Variants in IRX6 observed in about 807,000 individuals in gnomAD.
IRX6 encodes iroquois-class homeodomain protein IRX-6.
IRX6 carries 46 observed loss-of-function variants against 47.7 expected under a neutral mutation model. The observed-to-expected ratio is 0.96, with a 90% confidence interval of 0.76 to 1.23. The LOEUF is 1.23. Among genes scored for constraint, IRX6 ranks in the 50% most tolerant of loss-of-function variants. IRX6 has a pLI of 0.00. For synonymous variants in IRX6, 265 were observed against 246.2 expected, an observed-to-expected ratio of 1.08 and a Z score of -0.72; for missense variants, 722 against 588.0, an observed-to-expected ratio of 1.23 and a Z score of -2.36.
rs1491427085 is a variant in IRX6 at position 55,325,530 on chromosome 16, G to GGAAGGAAAGA, written c.45+396_45+397insAGGAAAGAGA. ...AGGAAGGAAGGAAGGAAGGAAGGAA[G>GGAAGGAAAGA]GAGAGAGAGAGAGAGAGAGAGAGAG... On this transcript the variant is annotated intron_variant, in intron 1 of 5. Transcript: ENST00000290552. Among the ~76,000 whole-genome samples, 7 of 9,084 alleles carry GGAAGGAAAGA rather than the reference G, an allele frequency of 7.7e-4. 1 individual carries two copies. Among genetic ancestry groups the GGAAGGAAAGA allele is most frequent in the East Asian group, 0.04 (2 of 50 alleles). 6.0% of individuals were successfully genotyped at this position (9,084 alleles called of 152,430 possible). A position where few individuals can be genotyped will look rare whatever the true frequency, so the allele number is the denominator to read the frequency against.
Position 55,329,175 on chromosome 16 carries a change from G to T in IRX6, c.1197G>T (p.Ala399=). The T allele has an allele frequency of 6.2e-7, 1 of 1,614,134 alleles. No individual in the cohort carries two copies. Among genetic ancestry groups the T allele is most frequent in the Non-Finnish European group, 8.5e-7 (1 of 1,180,046 alleles). Residue 399 remains alanine (A), a synonymous_variant, in exon 5 of 6, where the codon GCG becomes GCT. Coordinates refer to ENST00000290552, the MANE Select transcript of IRX6 (RefSeq NM_024335.3). Reference sequence around the variant, plus strand: ...GACTCTCAGTCCCCAGAGACTCCGCGTGCGACGAGTCTTCCTGCATACCCA... The same window carrying T: ...GACTCTCAGTCCCCAGAGACTCCGCTTGCGACGAGTCTTCCTGCATACCCA... The part of the protein sequence containing the change: ...ARRLSVPRDS[A]CDESSCIPKA...
intron 5 of IRX6, among the ~76,000 whole-genome samples, 154 bp downstream of exon 5, chr16:55,329,465 C>G (rs1456670311): frequency 9.9e-5 from 15 of 152,182 alleles, no homozygotes. Context: ...CAGACGGAAG[C>G]GTAGAGATAG....
chr16:55,329,468 A>G (rs1960605506), intron 5 of IRX6, among the ~76,000 whole-genome samples, 157 bp downstream of exon 5: 1 of 152,226 alleles, frequency 6.6e-6, no homozygotes, highest in African/African-American at 2.4e-5. Context: ...ACGGAAGCGT[A>G]GAGATAGGTT....
At position 55,326,659 on chromosome 16, in the gene IRX6, A is replaced by G. The variant is rs1490371507; in HGVS notation, c.303+66A>G. 3 of 1,438,476 alleles carry G rather than the reference A, an allele frequency of 2.1e-6. No homozygotes were observed. In the African/African-American group the frequency reaches 4.3e-5, roughly 21 times the overall value. 89.1% of individuals were successfully genotyped at this position (1,438,476 alleles called of 1,614,324 possible). The stretch of plus-strand genomic sequence containing the variant: ...GACAGGTGAAATCCAGAGAAAGTCA[A>G]GGAAAGACCCACACCTCCCGAGGAA... On this transcript the variant is annotated intron_variant, in intron 2 of 5. Transcript: ENST00000290552.
Position 55,327,380 on chromosome 16 carries a change from A to C in IRX6, c.388A>C (p.Thr130Pro), listed in dbSNP as rs1960549977. ...AGGAGCCTATTATCCCTATGAGCGG[A>C]CTCTGGGGCAGTACCAATATGAACG... ...QPGAYYPYER[T>P]LGQYQYERYG... The change falls in exon 3 of 6, where the codon ACT (threonine) becomes CCT (proline). Residue 130 changes from threonine (T) to proline (P), a missense_variant. Thr to Pro is a conservative substitution (Grantham distance 38, BLOSUM62 -1). Transcript: ENST00000290552. The C allele has an allele frequency of 6.2e-7, 1 of 1,613,364 alleles. No homozygotes were observed. Among genetic ancestry groups the C allele is most frequent in the Admixed American group, 1.7e-5 (1 of 59,988 alleles).
chr16:55,325,222 C>T (rs1424169466), intron 1 of IRX6, 86 bp downstream of exon 1: 3 of 1,324,650 alleles, frequency 2.3e-6, no homozygotes, highest in African/African-American at 1.4e-5. Context: ...TCATCCTCCT[C>T]TTGTGTTCTG....
rs368072041 is a variant in IRX6 at position 55,327,673 on chromosome 16, G to A, written c.501G>A (p.Glu167=). 5 of 1,612,258 alleles carry A rather than the reference G, an allele frequency of 3.1e-6. No individual in the cohort carries two copies. The African/African-American group carries it at 5.3e-5, about 17-fold the overall frequency. Residue 167 remains glutamate (E), a synonymous_variant, in exon 4 of 6, where the codon GAG becomes GAA. Transcript: ENST00000290552. ...GTACACTCAAGGCCTGGCTCAACGA[G>A]CACCGCAAAAACCCCTACCCCACTA... ...TTSTLKAWLN[E]HRKNPYPTKG... is the part of the protein sequence containing the mutation.
At chr16:55,328,052 TCTAC>T (rs1328910273) in intron 4 of IRX6, among the ~76,000 whole-genome samples, 159 bp downstream of exon 4, 3 of 152,076 alleles carry the variant, frequency 2.0e-5, no homozygotes, top group Admixed American at 6.5e-5. Flanking sequence ...TGCACTGCCT[TCTAC>T]CTGTAATTCT....
intron 1 of IRX6, among the ~76,000 whole-genome samples, chr16:55,325,477 A>G: frequency 3.0e-5 from 1 of 33,786 alleles, no homozygotes; most frequent in Non-Finnish European, 5.1e-5. Context: ...GAAAGAAAGA[A>G]ATAAGGAAGG....
chr16:55,326,594 G>C lies in IRX6; in HGVS notation c.303+1G>C. 1 of 1,540,088 alleles carries C rather than the reference G, an allele frequency of 6.5e-7. No individual in the cohort carries two copies. The highest frequency in any genetic ancestry group is 8.8e-7 in the Non-Finnish European group (1 of 1,138,556). On this transcript the variant is annotated splice_donor_variant, in intron 2 of 5. Transcript: ENST00000290552. LOFTEE classifies it high-confidence loss of function. Reference sequence around the variant, plus strand: ...GCCCCCCTCACTGTATGGGGCACTGGTGAGTACAGGGGTGGAGTCCCAGGG... The same window carrying C: ...GCCCCCCTCACTGTATGGGGCACTGCTGAGTACAGGGGTGGAGTCCCAGGG...
chr16:55,325,116 C>A lies in IRX6; in HGVS notation c.25C>A (p.Pro9Thr). The stretch of plus-strand genomic sequence containing the variant: ...CATGTCCTTCCCACACTTTGGACAC[C>A]CGTACCGCGGCGCTTCCCAGGTAAG... MSFPHFGH[P>T]YRGASQFLAS... Residue 9 changes from proline to threonine, a missense_variant, in exon 1 of 6, where the codon CCG becomes ACG. Pro to Thr is a conservative substitution (Grantham distance 38, BLOSUM62 -1). Coordinates refer to ENST00000290552, the MANE Select transcript of IRX6 (RefSeq NM_024335.3). 6.2e-7 allele frequency: 1 copy of A among 1,613,996 alleles called. No individual in the cohort carries two copies. Among genetic ancestry groups the A allele is most frequent in the Non-Finnish European group, 8.5e-7 (1 of 1,180,012 alleles).
Position 55,326,367 on chromosome 16 carries a change from G to A in IRX6, c.77G>A (p.Cys26Tyr). Reference sequence around the variant, plus strand: ...GCGTCGGCAAGTTCCAGCACCACATGCTGCGAATCTACCCAACGCTCTGTC... The same window carrying A: ...GCGTCGGCAAGTTCCAGCACCACATACTGCGAATCTACCCAACGCTCTGTC... ...FLASASSSTT[C>Y]CESTQRSVSD... The change falls in exon 2 of 6, where the codon TGC becomes TAC. Residue 26 changes from cysteine to tyrosine, a missense_variant. By Grantham distance (194) the Cys-to-Tyr change is radical. Transcript: ENST00000290552. 6.2e-7 allele frequency: 1 copy of A among 1,613,856 alleles called. No homozygotes were observed. Among genetic ancestry groups the A allele is most frequent in the Non-Finnish European group, 8.5e-7 (1 of 1,179,980 alleles).
At chr16:55,327,967 C>T (rs2142269724) in intron 4 of IRX6, 74 bp downstream of exon 4, 1 of 1,457,626 alleles carries the variant, frequency 6.9e-7, no homozygotes, top group East Asian at 2.3e-5. Context: ...CAAAAGCTGC[C>T]CTGTAGGGTA....
In IRX6 at chr16:55,326,488, C is replaced by T. The variant is rs201160693; in HGVS notation, c.198C>T (p.Ala66=). ...GCAGTGCGCGACCGGAGCTGGGCGC[C>T]GCCTTGGGCATCTATGGAGCACCCT... is the stretch of plus-strand genomic sequence containing the variant. ...LLGSARPELG[A]ALGIYGAPYA... Residue 66 remains alanine, a synonymous_variant, in exon 2 of 6, where the codon GCC becomes GCT. Transcript: ENST00000290552. 14 of 1,612,846 alleles carry T rather than the reference C, an allele frequency of 8.7e-6. No homozygotes were observed. Among genetic ancestry groups the T allele is most frequent in the Admixed American group, 1.7e-5 (1 of 59,914 alleles).
In IRX6 at chr16:55,327,889, C is replaced by T; in HGVS notation, c.717C>T (p.Thr239=). ...EDSLGCLTAD[T]KEVTASQEAR... ...CACTAGGCTGCCTAACTGCTGACACCAAAGGTACTGAAAACGTTCACCACC... is the reference window on the plus strand; with the variant it reads ...CACTAGGCTGCCTAACTGCTGACACTAAAGGTACTGAAAACGTTCACCACC... The change falls in exon 4 of 6, where the codon ACC becomes ACT. Residue 239 remains threonine, a synonymous_variant. Coordinates refer to ENST00000290552, the MANE Select transcript of IRX6 (RefSeq NM_024335.3). 1.9e-6 allele frequency: 3 copies of T among 1,595,088 alleles called. No homozygotes were observed. Among genetic ancestry groups the T allele is most frequent in the Non-Finnish European group, 2.6e-6 (3 of 1,170,838 alleles).
At chr16:55,327,916 C>A in intron 4 of IRX6, 23 bp downstream of exon 4, 1 of 1,567,728 alleles carries the variant, frequency 6.4e-7, no homozygotes, top group Non-Finnish European at 8.6e-7. Flanking sequence ...TTCACCACCC[C>A]ACCTTAAGGG....
Position 55,328,989 on chromosome 16 carries a change from T to C in IRX6, c.1011T>C (p.Pro337=). The stretch of plus-strand genomic sequence containing the variant: ...TCCTCTCGGCGGAGACAGGCAGCCC[T>C]AGGTTGACCATGCACTACCCATGCT... ...ADFLSAETGS[P]RLTMHYPCLE... is the part of the protein sequence containing the mutation. The change falls in exon 5 of 6, where the codon CCT becomes CCC. Residue 337 remains proline (P), a synonymous_variant. Coordinates refer to ENST00000290552, the MANE Select transcript of IRX6 (RefSeq NM_024335.3). 6.2e-7 allele frequency: 1 copy of C among 1,613,696 alleles called. No individual in the cohort carries two copies. The highest frequency in any genetic ancestry group is 8.5e-7 in the Non-Finnish European group (1 of 1,180,002).
rs766531974 is a variant in IRX6, at chr16:55,326,429, C to G, written c.139C>G (p.Leu47Val). The change falls in exon 2 of 6, where the codon CTC (leucine) becomes GTC (valine). Residue 47 changes from leucine (L) to valine (V), a missense_variant. Leu to Val is a conservative substitution (Grantham distance 32). Coordinates refer to ENST00000290552, the MANE Select transcript of IRX6 (RefSeq NM_024335.3). ...ATCAGGCTCCACCCCAGCGCCCGCTCTCTGCTGCGCACCCTACGATAGTCG... is the reference window on the plus strand; with the variant it reads ...ATCAGGCTCCACCCCAGCGCCCGCTGTCTGCTGCGCACCCTACGATAGTCG... ...VASGSTPAPALCCAPYDSRLL... is the reference protein window; with the variant it reads ...VASGSTPAPAVCCAPYDSRLL... The G allele has an allele frequency of 9.3e-6, 15 of 1,613,916 alleles. No homozygotes were observed. In the East Asian group the frequency reaches 2.7e-4, roughly 29 times the overall value.
Position 55,326,450 on chromosome 16 carries a change from A to AG in IRX6, c.161dup (p.Ser54ArgfsTer38). 2 of 1,613,852 alleles carry AG rather than the reference A, an allele frequency of 1.2e-6. No individual in the cohort carries two copies. The highest frequency in any genetic ancestry group is 1.7e-6 in the Non-Finnish European group (2 of 1,180,010). ...CGCTCTCTGCTGCGCACCCTACGAT[A>AG]GTCGACTGCTGGGCAGTGCGCGACC... On this transcript the variant is annotated frameshift_variant, in exon 2 of 6. Transcript: ENST00000290552. LOFTEE classifies it high-confidence loss of function.
Sources: gnomAD v4.1 joint callset for allele counts (sites outside exome capture counted in the v4.1 genomes callset) on GRCh38, gnomAD v4.1.1 for gene constraint, MANE v1.5 for transcripts, NCBI Gene and HGNC (gene_info 2026-07-23, HGNC 2026-07-21) for gene names.